MTF1: variants seen among roughly 807,000 people sequenced by gnomAD.
The protein encoded by MTF1 is MRE-binding transcription factor.
In MTF1, 22 loss-of-function variants were observed where a neutral mutation model predicts 70.4. That is an observed-to-expected ratio of 0.31 (90% CI 0.22 to 0.45). The LOEUF (loss-of-function observed/expected upper bound fraction) is 0.45, where lower values mean the gene tolerates loss of function less well. Ranked by LOEUF, MTF1 falls within the 20% of genes least tolerant of loss-of-function variation. The pLI is 1.00. For missense variants in MTF1, 649 were observed against 922.0 expected (o/e 0.70, Z 3.83); for synonymous variants, 333 against 352.8 (o/e 0.94, Z 0.63).
At chr1:37,858,108 T>C (rs1641529396) in intron 1 of MTF1, among the ~76,000 whole-genome samples, 1 of 151,970 alleles carries the variant, frequency 6.6e-6, no homozygotes, top group African/African-American at 2.4e-5. Flanking sequence ...GTCAAACAAT[T>C]TGAAACTTGG....
chr1:37,836,611 T>C (rs1641173753), intron 4 of MTF1, among the ~76,000 whole-genome samples: 1 of 152,196 alleles, frequency 6.6e-6, no homozygotes, highest in Non-Finnish European at 1.5e-5. Flanking sequence ...TCATTTCCAA[T>C]CTTATTTTCT....
chr1:37,809,795 C>CTGTA lies in MTF1; in HGVS notation c.*5337_*5340dup, dbSNP rs1640674175. Reference sequence around the variant, plus strand: ...GTTTCTTCCTTTGGAAGTACTGAACCTGTAACGTTTTCACATCGCTCAGTG... The same window carrying CTGTA: ...GTTTCTTCCTTTGGAAGTACTGAACCTGTATGTAACGTTTTCACATCGCTCAGTG... On this transcript the variant is annotated 3_prime_UTR_variant, in exon 11 of 11. Transcript: ENST00000373036. 1 of 152,610 alleles carries CTGTA rather than the reference C, an allele frequency of 6.6e-6. No individual in the cohort carries two copies. 9.5% of individuals were successfully genotyped at this position (152,610 alleles called of 1,614,324 possible). A position where few individuals can be genotyped will look rare whatever the true frequency, so the allele number is the denominator to read the frequency against.
At chr1:37,829,541 G>A (rs989136578) in intron 7 of MTF1, among the ~76,000 whole-genome samples, 1 of 151,874 alleles carries the variant, frequency 6.6e-6, no homozygotes, top group Non-Finnish European at 1.5e-5. Context: ...CCAGCACTTT[G>A]GGAGTCCGAG....
At chr1:37,839,150 G>A (rs1368083000) in intron 3 of MTF1, among the ~76,000 whole-genome samples, 1 of 152,062 alleles carries the variant, frequency 6.6e-6, no homozygotes. Flanking sequence ...CCAGCTTAAT[G>A]TGCTTCAGGA....
rs75653545 is a variant in MTF1, at chr1:37,817,943, A to T, written c.1768-461T>A. Reference sequence around the variant, plus strand: ...GGTTAAGGCTTCCTCTCACAGGTAGACAGCCCTGTAAAGGCCTTGTGCTGT... The same window carrying T: ...GGTTAAGGCTTCCTCTCACAGGTAGTCAGCCCTGTAAAGGCCTTGTGCTGT... On this transcript the variant is annotated intron_variant, in intron 9 of 10. Coordinates refer to ENST00000373036, the MANE Select transcript of MTF1 (RefSeq NM_005955.3). Among the ~76,000 whole-genome samples the T allele has an allele frequency of 2.8e-3, 426 of 152,324 alleles. 5 individuals carry two copies. Among genetic ancestry groups the T allele is most frequent in the African/African-American group, 9.7e-3 (405 of 41,568 alleles).
At chr1:37,818,431 G>A (rs559137554) in intron 9 of MTF1, among the ~76,000 whole-genome samples, 1 of 152,328 alleles carries the variant, frequency 6.6e-6, no homozygotes, top group Admixed American at 6.5e-5. Context: ...AAGGCCAGGC[G>A]CAGTGGCTCA....
At chr1:37,823,369 G>C (rs1484377089) in intron 8 of MTF1, among the ~76,000 whole-genome samples, 1 of 152,110 alleles carries the variant, frequency 6.6e-6, no homozygotes, top group African/African-American at 2.4e-5. Context: ...CTCAAGCCTG[G>C]AGGTGGAGGT....
intron 3 of MTF1, among the ~76,000 whole-genome samples, chr1:37,839,169 G>A (rs1005630921): frequency 5.3e-5 from 8 of 152,180 alleles, no homozygotes; most frequent in African/African-American, 1.2e-4. Flanking sequence ...GATCAAGTGC[G>A]TAAGAATTCT....
At position 37,823,707 on chromosome 1, in the gene MTF1, A is replaced by C. The variant is rs759911967; in HGVS notation, c.1171+3T>G. On this transcript the variant is annotated splice_donor_region_variant and intron_variant, in intron 8 of 10. Coordinates refer to ENST00000373036, the MANE Select transcript of MTF1 (RefSeq NM_005955.3). ...GTGAGTAGAAAGAGTCCGTGTGACA[A>C]ACCTGTCTGTTGAGGATCTTCCTGA... 2 of 1,609,518 alleles carry C rather than the reference A, an allele frequency of 1.2e-6. No homozygotes were observed. The highest frequency in any genetic ancestry group is 1.7e-6 in the Non-Finnish European group (2 of 1,175,874).
In MTF1 at chr1:37,813,117, C is replaced by G. The variant is rs1640761273; in HGVS notation, c.*2019G>C. 6.6e-6 allele frequency: 1 copy of G among 152,136 alleles called. No individual in the cohort carries two copies. Among genetic ancestry groups the G allele is most frequent in the Non-Finnish European group, 1.5e-5 (1 of 68,072 alleles). 9.4% of individuals were successfully genotyped at this position (152,136 alleles called of 1,614,324 possible). A position where few individuals can be genotyped will look rare whatever the true frequency, so the allele number is the denominator to read the frequency against. ...CCAACATGGAGAAACCCCGTCTCTA[C>G]TAAAAATACAAAATTAGCCAGGCGT... On this transcript the variant is annotated 3_prime_UTR_variant, in exon 11 of 11. Transcript: ENST00000373036.
chr1:37,835,636 C>T (rs908203071), intron 5 of MTF1, 35 bp downstream of exon 5: 2 of 1,533,194 alleles, frequency 1.3e-6, no homozygotes, highest in Non-Finnish European at 1.8e-6. Flanking sequence ...TTGATAGTTA[C>T]AGGCTTGATG....
intron 6 of MTF1, among the ~76,000 whole-genome samples, chr1:37,833,711 G>A (rs2148409889): frequency 6.6e-6 from 1 of 152,222 alleles, no homozygotes; most frequent in East Asian, 1.9e-4. Context: ...AGGGCAGTAG[G>A]GAACTCTGGG....
In MTF1 at chr1:37,857,394, T is replaced by C. The variant is rs897916409; in HGVS notation, c.265A>G (p.Met89Val). ...ATGTGCTGCACATAACCCTGGGACA[T>C]TGCTTCATGATCTATCAGGTGAAAG... ...EGFHLIDHEA[M>V]SQGYVQHIIS... Residue 89 changes from methionine to valine, a missense_variant, in exon 2 of 11, where the codon ATG becomes GTG. Around this residue, in one of 7 missense-constraint regions of MTF1, gnomAD observed 44 missense variants for 38.1 expected, o/e 1.15. Coordinates refer to ENST00000373036, the MANE Select transcript of MTF1 (RefSeq NM_005955.3). The C allele has an allele frequency of 6.2e-7, 1 of 1,614,210 alleles. No homozygotes were observed.
intron 7 of MTF1, among the ~76,000 whole-genome samples, chr1:37,828,661 T>C (rs1404087519): frequency 2.6e-5 from 4 of 152,198 alleles, no homozygotes; most frequent in Non-Finnish European, 5.9e-5. Context: ...ATTGTGATGA[T>C]TCATCAAGCT....
chr1:37,844,589 G>A (rs1641306035), intron 2 of MTF1, among the ~76,000 whole-genome samples: 1 of 152,124 alleles, frequency 6.6e-6, no homozygotes, highest in Admixed American at 6.5e-5. Flanking sequence ...AGGAGAAATG[G>A]GATTGTGGAT....
chr1:37,821,042 T>C (rs991846312), intron 9 of MTF1, among the ~76,000 whole-genome samples: 2 of 152,048 alleles, frequency 1.3e-5, no homozygotes, highest in Admixed American at 1.3e-4. Context: ...TAGCCAGTCA[T>C]GGTGGTGGGT....
In MTF1 at chr1:37,843,303, G is replaced by GT. The variant is rs989250808; in HGVS notation, c.409-3146dup. Among the ~76,000 whole-genome samples the GT allele has an allele frequency of 1.9e-3, 281 of 148,150 alleles. 1 individual carries two copies. The highest frequency in any genetic ancestry group is 5.3e-3 in the African/African-American group (216 of 40,660). On this transcript the variant is annotated intron_variant, in intron 2 of 10. Transcript: ENST00000373036. Reference sequence around the variant, plus strand: ...GGGTTAAGCCACCACGCCTGGCCTGGTTTTTTTTTTTAAAGTAAGTCAGTT... The same window carrying GT: ...GGGTTAAGCCACCACGCCTGGCCTGGTTTTTTTTTTTTAAAGTAAGTCAGTT...
rs764489279 is a variant in MTF1 at position 37,809,866 on chromosome 1, A to G, written c.*5270T>C. 1 of 152,552 alleles carries G rather than the reference A, an allele frequency of 6.6e-6. No individual in the cohort carries two copies. The highest frequency in any genetic ancestry group is 1.5e-5 in the Non-Finnish European group (1 of 68,024). 9.4% of individuals were successfully genotyped at this position (152,552 alleles called of 1,614,324 possible). A position where few individuals can be genotyped will look rare whatever the true frequency, so the allele number is the denominator to read the frequency against. On this transcript the variant is annotated 3_prime_UTR_variant, in exon 11 of 11. Coordinates refer to ENST00000373036, the MANE Select transcript of MTF1 (RefSeq NM_005955.3). ...TTCACACTTACTTTTACATAATCCA[A>G]ATAAAACTATTTGGGATTTTAAAAG...
In MTF1 at chr1:37,810,134, C is replaced by T. The variant is rs1004190639; in HGVS notation, c.*5002G>A. 1 of 152,224 alleles carries T rather than the reference C, an allele frequency of 6.6e-6. No individual in the cohort carries two copies. Among genetic ancestry groups the T allele is most frequent in the African/African-American group, 2.4e-5 (1 of 41,388 alleles). The allele number at this position is 152,224 out of a possible 1,614,324, so 9.4% of individuals were successfully genotyped here. ...GATGTAGACTGTTGAGTCAAATAGCCCTTGGGAGGCCTGAGAACACAGCAG... is the reference window on the plus strand; with the variant it reads ...GATGTAGACTGTTGAGTCAAATAGCTCTTGGGAGGCCTGAGAACACAGCAG... On this transcript the variant is annotated 3_prime_UTR_variant, in exon 11 of 11. Coordinates refer to ENST00000373036, the MANE Select transcript of MTF1 (RefSeq NM_005955.3).
Sources: gnomAD v4.1 joint callset for allele counts (sites outside exome capture counted in the v4.1 genomes callset) on GRCh38, gnomAD v4.1.1 for gene constraint, gnomAD v4.1.1 regional missense constraint, MANE v1.5 for transcripts, NCBI Gene and HGNC (gene_info 2026-07-23, HGNC 2026-07-21) for gene names.